Variants in NAF1 observed in about 807,000 individuals in gnomAD.
NAF1 encodes H/ACA ribonucleoprotein complex non-core subunit NAF1.
Under a neutral mutation model 40.6 loss-of-function variants are expected in NAF1, and 11 were observed. That is an observed-to-expected ratio of 0.27 (90% CI 0.17 to 0.45). The LOEUF (loss-of-function observed/expected upper bound fraction) is 0.45, where lower values mean the gene tolerates loss of function less well. NAF1 is among the 20% of genes least tolerant of loss of function. The pLI, the probability that NAF1 is intolerant of heterozygous loss-of-function variation, is 1.00. For missense variants in NAF1, 607 were observed against 611.1 expected (o/e 0.99, Z 0.07); for synonymous variants, 260 against 228.5 (o/e 1.14, Z -1.24).
Position 163,129,167 on chromosome 4 carries a change from C to T in NAF1, c.1215G>A (p.Glu405=), listed in dbSNP as rs370101817. ...GTCTCTGAGAAGGAAATCCTGAAGT[C>T]TCCTGAGATACCATATGTTCTGAGT... ...FYNSEHMVSQ[E]TSGFPSQRQN... is the part of the protein sequence containing the mutation. Residue 405 remains glutamate, a synonymous_variant, in exon 8 of 8, where the codon GAG becomes GAA. Transcript: ENST00000274054. 4 of 1,613,860 alleles carry T rather than the reference C, an allele frequency of 2.5e-6. No homozygotes were observed. The African/African-American group carries it at 5.3e-5, about 22-fold the overall frequency.
intron 2 of NAF1, chr4:163,119,568 ATCT>A (rs1250790472): frequency 6.6e-6 from 1 of 152,160 alleles, no homozygotes; most frequent in African/African-American, 2.4e-5. Flanking sequence ...GGCTCCCATG[ATCT>A]TCTAATTGTC....
rs373100909 is a variant in NAF1, at chr4:163,140,359, C to G, written c.742G>C (p.Ala248Pro). The change falls in exon 5 of 8, where the codon GCA becomes CCA. Residue 248 changes from alanine to proline, a missense_variant. By Grantham distance (27) the Ala-to-Pro change is conservative. Transcript: ENST00000274054. The part of the protein sequence containing the change: ...GKIFEIFGPV[A>P]HPFYVLRFNS... The stretch of plus-strand genomic sequence containing the variant: ...AACCGTAACACATAAAATGGATGTG[C>G]AACAGGTCCAAATATCTCGAATATC... 2.5e-6 allele frequency: 4 copies of G among 1,606,066 alleles called. No individual in the cohort carries two copies. Among genetic ancestry groups the G allele is most frequent in the East Asian group, 2.2e-5 (1 of 44,506 alleles).
intron 2 of NAF1, among the ~76,000 whole-genome samples, chr4:163,154,952 G>A (rs1731916232): frequency 6.6e-6 from 1 of 151,834 alleles, no homozygotes; most frequent in Non-Finnish European, 1.5e-5. Context: ...AACGCCAACA[G>A]GAAGGCACCC....
downstream of NAF1, chr4:163,126,914 T>TTATA (rs1164562160): frequency 4.4e-5 from 65 of 1,490,604 alleles, no homozygotes; most frequent in Non-Finnish European, 5.4e-5. Flanking sequence ...AGGGTCATTA[T>TTATA]TATTTTTTGA....
At chr4:163,109,098 G>C (rs994546044), downstream of NAF1, among the ~76,000 whole-genome samples, 11 of 150,784 alleles carry the variant, frequency 7.3e-5, no homozygotes, top group African/African-American at 2.7e-4. Context: ...GTGAGGAGCA[G>C]AAACAAGCTT....
chr4:163,137,954 T>C (rs955394163), intron 5 of NAF1, among the ~76,000 whole-genome samples: 1 of 152,186 alleles, frequency 6.6e-6, no homozygotes, highest in African/African-American at 2.4e-5. Context: ...AAAGTACAGA[T>C]ATCTATTATG....
intron 2 of NAF1, among the ~76,000 whole-genome samples, chr4:163,160,422 C>T (rs1382012565): frequency 6.6e-6 from 1 of 151,988 alleles, no homozygotes; most frequent in Non-Finnish European, 1.5e-5. Flanking sequence ...TGGTTATAAC[C>T]TAATTTTAAA....
intron 3 of NAF1, among the ~76,000 whole-genome samples, 179 bp from the exon 4 acceptor site, chr4:163,146,043 T>C (rs966664438): frequency 6.6e-6 from 1 of 152,162 alleles, no homozygotes; most frequent in African/African-American, 2.4e-5. Context: ...CACTGGGAAA[T>C]GTTTTTATAC....
chr4:163,125,051 T>C (rs577203713), downstream of NAF1, among the ~76,000 whole-genome samples: 1 of 152,342 alleles, frequency 6.6e-6, no homozygotes, highest in East Asian at 1.9e-4. Context: ...GGAGGCACCA[T>C]GAACTATGCC....
chr4:163,159,537 C>T (rs1055620107), intron 2 of NAF1, among the ~76,000 whole-genome samples: 1 of 152,146 alleles, frequency 6.6e-6, no homozygotes, highest in Non-Finnish European at 1.5e-5. Flanking sequence ...AGATGCAATA[C>T]AATTTCATAT....
Position 163,164,319 on chromosome 4 carries a change from A to G in NAF1, c.438T>C (p.Cys146=). The change falls in exon 2 of 8, where the codon TGT becomes TGC. Residue 146 remains cysteine, a synonymous_variant. Coordinates refer to ENST00000274054, the MANE Select transcript of NAF1 (RefSeq NM_138386.3). ...CTGACAGCACTGGAGGAAGTGATAT[A>G]CAAGAGGAAGAAGACGACGATGAGG... The part of the protein sequence containing the change: ...SSSSSSSSSS[C]ISLPPVLSDG... The G allele has an allele frequency of 6.2e-7, 1 of 1,603,112 alleles. No homozygotes were observed. Among genetic ancestry groups the G allele is most frequent in the Non-Finnish European group, 8.5e-7 (1 of 1,175,826 alleles).
At chr4:163,108,508 GA>G (rs771260366), downstream of NAF1, among the ~76,000 whole-genome samples, 3 of 152,116 alleles carry the variant, frequency 2.0e-5, no homozygotes, top group African/African-American at 4.8e-5. Flanking sequence ...TTCAATAAGA[GA>G]AAGCCAGTCA....
At chr4:163,156,768 C>A in intron 2 of NAF1, among the ~76,000 whole-genome samples, 1 of 152,212 alleles carries the variant, frequency 6.6e-6, no homozygotes, top group African/African-American at 2.4e-5. Flanking sequence ...TTAATGCTAA[C>A]CTGAATACTC....
intron 2 of NAF1, among the ~76,000 whole-genome samples, chr4:163,113,076 T>C (rs1487690094): frequency 6.6e-6 from 1 of 152,164 alleles, no homozygotes; most frequent in African/African-American, 2.4e-5. Flanking sequence ...GAGGCCAGAT[T>C]ATTTAGAGAC....
chr4:163,128,811 A>C lies in NAF1; in HGVS notation c.*86T>G. 7.2e-7 allele frequency: 1 copy of C among 1,383,470 alleles called. No homozygotes were observed. The highest frequency in any genetic ancestry group is 9.6e-7 in the Non-Finnish European group (1 of 1,043,370). The allele number at this position is 1,383,470 out of a possible 1,614,324, so 85.7% of individuals were successfully genotyped here. A position where few individuals can be genotyped will look rare whatever the true frequency, so the allele number is the denominator to read the frequency against. On this transcript the variant is annotated 3_prime_UTR_variant, in exon 8 of 8. Coordinates refer to ENST00000274054, the MANE Select transcript of NAF1 (RefSeq NM_138386.3). ...TTAGTATTTTACAGTGTTTTTAAAA[A>C]TCTAGCTCCATAATCACTCTTGAAA...
Position 163,166,783 on chromosome 4 carries a change from C to CTGG in NAF1, c.-57_-56insCCA, listed in dbSNP as rs1732499850. 6.3e-7 allele frequency: 1 copy of CTGG among 1,599,386 alleles called. No homozygotes were observed. On this transcript the variant is annotated 5_prime_UTR_variant, in exon 1 of 8. Coordinates refer to ENST00000274054, the MANE Select transcript of NAF1 (RefSeq NM_138386.3). The stretch of plus-strand genomic sequence containing the variant: ...GGATTGGGGCCCCTGGACAAGCTCA[C>CTGG]GGCTCTCTCCAGAAATAGAAAAACA...
intron 4 of NAF1, among the ~76,000 whole-genome samples, chr4:163,142,555 T>C (rs1042975094): frequency 1.3e-5 from 2 of 152,240 alleles, no homozygotes; most frequent in Non-Finnish European, 2.9e-5. Flanking sequence ...TTTAGTTGAC[T>C]GTTCCTAGGT....
chr4:163,130,243 T>C (rs1219873107), intron 7 of NAF1, among the ~76,000 whole-genome samples: 1 of 151,978 alleles, frequency 6.6e-6, no homozygotes, highest in African/African-American at 2.4e-5. Context: ...AGACTTCAAA[T>C]TCAATGAAAA....
downstream of NAF1, among the ~76,000 whole-genome samples, chr4:163,106,439 A>C (rs1261888945): frequency 6.6e-6 from 1 of 152,208 alleles, no homozygotes; most frequent in Non-Finnish European, 1.5e-5. Flanking sequence ...AATAGCTAGC[A>C]CTTTCATATT....
Sources: gnomAD v4.1 joint callset for allele counts (sites outside exome capture counted in the v4.1 genomes callset) on GRCh38, gnomAD v4.1.1 for gene constraint, MANE v1.5 for transcripts, NCBI Gene and HGNC (gene_info 2026-07-23, HGNC 2026-07-21) for gene names.